NFIB: variants seen among roughly 807,000 people sequenced by gnomAD.
NFIB encodes the protein nuclear factor I B, also known as nuclear factor 1 B-type.
Under a neutral mutation model 61.5 loss-of-function variants are expected in NFIB, and 11 were observed. The ratio of observed to expected loss-of-function variants is 0.18; its 90% CI spans 0.11 to 0.30. The LOEUF is 0.30. Among genes scored for constraint, NFIB ranks in the 10% least tolerant of loss-of-function variants. NFIB has a pLI of 1.00. For missense variants in NFIB, 471 were observed against 608.9 expected, an observed-to-expected ratio of 0.77 and a Z score of 2.38; for synonymous variants, 260 against 216.5, an observed-to-expected ratio of 1.20 and a Z score of -1.76.
chr9:14,237,600 G>A (rs1043285885), intron 2 of NFIB, among the ~76,000 whole-genome samples: 14 of 151,976 alleles, frequency 9.2e-5, no homozygotes, highest in South Asian at 2.1e-4. Flanking sequence ...GCAAAATCTC[G>A]TCCCCACATA....
the NFIB span, among the ~76,000 whole-genome samples, chr9:14,498,804 TCCC>T: frequency 1.1e-4 from 5 of 46,830 alleles, no homozygotes; most frequent in African/African-American, 6.6e-4. Flanking sequence ...CCTCCCTTCC[TCCC>T]TTCCTCCCTT....
chr9:14,480,773 T>C, the NFIB span, among the ~76,000 whole-genome samples: 1 of 152,130 alleles, frequency 6.6e-6, no homozygotes, highest in African/African-American at 2.4e-5. Context: ...TAGAGAAACA[T>C]GGCTGCCTCC....
At chr9:14,143,256 A>G (rs1347615932) in intron 6 of NFIB, among the ~76,000 whole-genome samples, 2 of 152,270 alleles carry the variant, frequency 1.3e-5, no homozygotes, top group East Asian at 3.9e-4. Flanking sequence ...TTAAGTTACT[A>G]AAATTGCATG....
chr9:14,353,444 T>C (rs2061138088), intron 1 of NFIB, among the ~76,000 whole-genome samples: 2 of 152,134 alleles, frequency 1.3e-5, no homozygotes, highest in East Asian at 3.9e-4. Context: ...GGGGAGCTCC[T>C]GGAGAGGGGT....
At chr9:14,490,302 T>TA in the NFIB span, among the ~76,000 whole-genome samples, 3,128 of 152,148 alleles carry the variant, frequency 0.021, 129 homozygotes, top group African/African-American at 0.072. Flanking sequence ...CATACACATA[T>TA]AAAAAATCAA....
intron 1 of NFIB, among the ~76,000 whole-genome samples, chr9:14,309,228 A>C (rs1434044389): frequency 6.6e-6 from 1 of 152,222 alleles, no homozygotes; most frequent in African/African-American, 2.4e-5. Context: ...TCTTTAACAA[A>C]GAAGGTGTCA....
chr9:14,409,916 G>A, the NFIB span, among the ~76,000 whole-genome samples: 1 of 152,262 alleles, frequency 6.6e-6, no homozygotes, highest in East Asian at 1.9e-4. Flanking sequence ...AAAACCTGTT[G>A]CTAAAGCAAA....
At chr9:14,094,522 A>G (rs2034477963) in intron 10 of NFIB, 1 of 152,110 alleles carries the variant, frequency 6.6e-6, no homozygotes, top group Admixed American at 6.6e-5. Flanking sequence ...ATTTATTTTC[A>G]CCGTTTTTAG....
chr9:14,226,684 G>A (rs2052468639), intron 2 of NFIB, among the ~76,000 whole-genome samples: 1 of 151,660 alleles, frequency 6.6e-6, no homozygotes, highest in Non-Finnish European at 1.5e-5. Flanking sequence ...ATAAATATTA[G>A]ACTAATACAG....
chr9:14,095,282 T>C (rs879315697), intron 10 of NFIB, among the ~76,000 whole-genome samples: 3 of 152,160 alleles, frequency 2.0e-5, no homozygotes, highest in Admixed American at 6.5e-5. Context: ...GAAAAATTAT[T>C]ATGAAGATGA....
intron 1 of NFIB, among the ~76,000 whole-genome samples, chr9:14,366,194 C>T (rs996095081): frequency 3.9e-5 from 6 of 152,172 alleles, no homozygotes; most frequent in Admixed American, 3.9e-4. Flanking sequence ...ATCTGGGCAT[C>T]GTCCCAGAAT....
chr9:14,102,650 C>CAA (rs59354958), intron 10 of NFIB: 1 of 545,350 alleles, frequency 1.8e-6, no homozygotes, highest in Non-Finnish European at 2.8e-6. Context: ...AAAAAAAAAG[C>CAA]AAAAAAAAAT....
At chr9:14,304,835 A>G (rs1261173828) in intron 2 of NFIB, among the ~76,000 whole-genome samples, 1 of 152,246 alleles carries the variant, frequency 6.6e-6, no homozygotes, top group African/African-American at 2.4e-5. Context: ...ATAAAATGAC[A>G]TAATTAACCT....
intron 2 of NFIB, among the ~76,000 whole-genome samples, chr9:14,225,661 T>C (rs925127466): frequency 6.6e-6 from 1 of 151,884 alleles, no homozygotes; most frequent in Non-Finnish European, 1.5e-5. Flanking sequence ...AAGTCTGATA[T>C]AGAAAGTAAT....
intron 1 of NFIB, chr9:14,322,164 G>C (rs2060676975): frequency 8.3e-7 from 1 of 1,200,506 alleles, no homozygotes; most frequent in Non-Finnish European, 1.0e-6. Flanking sequence ...ACAGTTCTTG[G>C]CCCGAGAAGA....
intron 1 of NFIB, among the ~76,000 whole-genome samples, chr9:14,393,147 G>C (rs920154543): frequency 8.0e-5 from 12 of 150,166 alleles, no homozygotes; most frequent in Non-Finnish European, 1.8e-4. Flanking sequence ...GTAGAGCTCG[G>C]TAATGTTCCT....
At chr9:14,502,963 A>C in the NFIB span, among the ~76,000 whole-genome samples, 1 of 152,008 alleles carries the variant, frequency 6.6e-6, no homozygotes, top group Non-Finnish European at 1.5e-5. Flanking sequence ...TTATGAGTGC[A>C]AACATACAAT....
intron 2 of NFIB, among the ~76,000 whole-genome samples, chr9:14,272,897 T>C (rs2057732786): frequency 6.6e-6 from 1 of 152,190 alleles, no homozygotes. Context: ...AGTTGATTTA[T>C]GTAAATGTGT....
At chr9:14,384,644 T>A (rs1040226232) in intron 1 of NFIB, among the ~76,000 whole-genome samples, 1 of 152,208 alleles carries the variant, frequency 6.6e-6, no homozygotes, top group African/African-American at 2.4e-5. Flanking sequence ...TTAATATCTA[T>A]TTGAATTTTG....
Sources: gnomAD v4.1 joint callset for allele counts (sites outside exome capture counted in the v4.1 genomes callset) on GRCh38, gnomAD v4.1.1 for gene constraint, MANE v1.5 for transcripts, NCBI Gene and HGNC (gene_info 2026-07-23, HGNC 2026-07-21) for gene names.